Variants in PREX2 observed in about 807,000 individuals in gnomAD.
The protein encoded by PREX2 is phosphatidylinositol 3,4,5-trisphosphate-dependent Rac exchanger 2 protein.
In PREX2, 107 loss-of-function variants were observed where a neutral mutation model predicts 203.2. The ratio of observed to expected loss-of-function variants is 0.53; its 90% CI spans 0.45 to 0.62. The LOEUF is 0.62. PREX2 is among the 20% of genes least tolerant of loss of function. The probability of loss-of-function intolerance (pLI) is 0.00; values close to 1 mark genes in which losing one functional copy is unlikely to be tolerated. For synonymous variants in PREX2, 672 were observed against 663.6 expected, an observed-to-expected ratio of 1.01 and a Z score of -0.19; for missense variants, 1,777 against 1,955.9, an observed-to-expected ratio of 0.91 and a Z score of 1.72.
At chr8:68,073,947 T>G (rs1319853539) in intron 14 of PREX2, among the ~76,000 whole-genome samples, 1 of 152,022 alleles carries the variant, frequency 6.6e-6, no homozygotes, top group African/African-American at 2.4e-5. Flanking sequence ...GAAGAATATA[T>G]TAAGGTGCTC....
chr8:68,090,559 T>A lies in PREX2; in HGVS notation c.2114-20T>A. On this transcript the variant is annotated intron_variant, in intron 19 of 39. Coordinates refer to ENST00000288368, the MANE Select transcript of PREX2 (RefSeq NM_024870.4). ...ATTCCTGAAATTTGTTTTTGGTTAT[T>A]TTCTCATTTGTATTTATAGGAACTG... The A allele has an allele frequency of 6.3e-7, 1 of 1,585,008 alleles. No individual in the cohort carries two copies. Among genetic ancestry groups the A allele is most frequent in the Non-Finnish European group, 8.6e-7 (1 of 1,158,702 alleles).
At chr8:68,024,221 T>C (rs1469099958) in intron 4 of PREX2, among the ~76,000 whole-genome samples, 1 of 152,082 alleles carries the variant, frequency 6.6e-6, no homozygotes, top group East Asian at 1.9e-4. Context: ...TTGACAATGC[T>C]ATGAATTACT....
chr8:68,082,347 C>A lies in PREX2; in HGVS notation c.1879-893C>A, dbSNP rs184311142. 2.0e-4 allele frequency: 30 copies of A among 152,306 alleles called. 1 individual carries two copies. The East Asian group carries it at 5.6e-3, about 28-fold the overall frequency. The allele number at this position is 152,306 out of a possible 1,614,324, so 9.4% of individuals were successfully genotyped here. ...AAGTTAGTGGTAAACTGTCACCCAT[C>A]CTCCTATCTGCTAATGCCCAAGGTC... On this transcript the variant is annotated intron_variant, in intron 17 of 39. Coordinates refer to ENST00000288368, the MANE Select transcript of PREX2 (RefSeq NM_024870.4).
intron 1 of PREX2, among the ~76,000 whole-genome samples, chr8:68,014,176 T>G (rs1807345589): frequency 6.6e-6 from 1 of 152,250 alleles, no homozygotes; most frequent in Non-Finnish European, 1.5e-5. Context: ...TTATTTCATC[T>G]TAATGAGTTT....
intron 38 of PREX2, among the ~76,000 whole-genome samples, chr8:68,219,291 GAAATAGAGA>G (rs139113331): frequency 0.029 from 4,430 of 152,112 alleles, 244 homozygotes; most frequent in East Asian, 0.17. Context: ...ACTAAAAGTG[GAAATAGAGA>G]AAATAGAGAA....
chr8:68,198,222 C>T (rs1812437540), intron 37 of PREX2, among the ~76,000 whole-genome samples: 1 of 152,188 alleles, frequency 6.6e-6, no homozygotes, highest in Non-Finnish European at 1.5e-5. Context: ...ACTAGGTTTA[C>T]AATTATATTT....
At chr8:68,171,188 G>A (rs1012642560) in intron 35 of PREX2, among the ~76,000 whole-genome samples, 1 of 152,084 alleles carries the variant, frequency 6.6e-6, no homozygotes, top group Non-Finnish European at 1.5e-5. Context: ...TTTACTGAAA[G>A]GAAAGAAGAA....
chr8:68,181,301 T>C (rs1331692993), intron 35 of PREX2, among the ~76,000 whole-genome samples: 1 of 152,176 alleles, frequency 6.6e-6, no homozygotes, highest in Non-Finnish European at 1.5e-5. Flanking sequence ...ATTCACAATG[T>C]CTCTAAATAC....
At chr8:68,116,298 G>A (rs1810655653) in intron 26 of PREX2, among the ~76,000 whole-genome samples, 1 of 152,110 alleles carries the variant, frequency 6.6e-6, no homozygotes, top group South Asian at 2.1e-4. Context: ...GTAGTGAATA[G>A]GAGTTCTTTT....
chr8:68,149,775 C>T (rs1811398173), intron 34 of PREX2, among the ~76,000 whole-genome samples: 1 of 152,070 alleles, frequency 6.6e-6, no homozygotes, highest in Admixed American at 6.6e-5. Flanking sequence ...AAGTGGAGCC[C>T]AAATACCAGG....
chr8:68,118,633 A>G lies in PREX2; in HGVS notation c.3410A>G (p.Glu1137Gly), dbSNP rs1438426851. The change falls in exon 27 of 40, where the codon GAA (glutamate) becomes GGA (glycine). Residue 1137 changes from glutamate (E) to glycine (G), a missense_variant. By Grantham distance (98) the Glu-to-Gly change is moderately conservative. Coordinates refer to ENST00000288368, the MANE Select transcript of PREX2 (RefSeq NM_024870.4). ...TGCAGCTCGTATTTCCACAGTGATG[A>G]AATGGACTCAGGTGTGTTCGTTGGT... is the stretch of plus-strand genomic sequence containing the variant. Reference protein sequence around the residue: ...SQCSSYFHSDEMDSGDELPLS... With the variant: ...SQCSSYFHSDGMDSGDELPLS... 3 of 1,613,050 alleles carry G rather than the reference A, an allele frequency of 1.9e-6. No individual in the cohort carries two copies. The African/African-American group carries it at 4.0e-5, about 22-fold the overall frequency.
At chr8:67,999,478 C>CA (rs58916146) in intron 1 of PREX2, among the ~76,000 whole-genome samples, 10,999 of 92,006 alleles carry the variant, frequency 0.12, 1,149 homozygotes, top group South Asian at 0.17. Flanking sequence ...GCCAACAAAC[C>CA]AAAAAAAAAA....
Position 68,224,632 on chromosome 8 carries a change from T to G in PREX2, c.4775+6T>G. ...ACTCCACAGTCTGCACCAAGGTAAG[T>G]GCATCCCCTGCTCTGCCCTTGCCCG... is the stretch of plus-strand genomic sequence containing the variant. On this transcript the variant is annotated splice_donor_region_variant and intron_variant, in intron 39 of 39. Coordinates refer to ENST00000288368, the MANE Select transcript of PREX2 (RefSeq NM_024870.4). The G allele has an allele frequency of 6.2e-7, 1 of 1,609,494 alleles. No homozygotes were observed. The highest frequency in any genetic ancestry group is 8.5e-7 in the Non-Finnish European group (1 of 1,176,218).
intron 23 of PREX2, among the ~76,000 whole-genome samples, chr8:68,100,821 A>G (rs889923959): frequency 2.0e-5 from 3 of 152,176 alleles, no homozygotes; most frequent in African/African-American, 7.2e-5. Context: ...TTGAAAGATC[A>G]TGCTTTTGTA....
chr8:67,952,404 G>A lies in PREX2; in HGVS notation c.10G>A (p.Asp4Asn). The change falls in exon 1 of 40, where the codon GAC (aspartate) becomes AAC (asparagine). Residue 4 changes from aspartate to asparagine, a missense_variant. Asp to Asn is a conservative substitution (Grantham distance 23, BLOSUM62 1). Coordinates refer to ENST00000288368, the MANE Select transcript of PREX2 (RefSeq NM_024870.4). MSE[D>N]SRGDSRAESA... is the part of the protein sequence containing the mutation. ...CGCACCGCCGCCGACCATGAGCGAG[G>A]ACAGCCGCGGAGACAGCCGCGCCGA... 1 of 1,556,226 alleles carries A rather than the reference G, an allele frequency of 6.4e-7. No individual in the cohort carries two copies. The highest frequency in any genetic ancestry group is 2.4e-5 in the East Asian group (1 of 40,840).
chr8:67,965,689 G>A (rs895949649), intron 1 of PREX2, among the ~76,000 whole-genome samples: 3 of 152,198 alleles, frequency 2.0e-5, no homozygotes, highest in South Asian at 2.1e-4. Flanking sequence ...AGAGTGTTCT[G>A]TTTGCCAGAC....
At chr8:67,993,711 C>T (rs1253581232) in intron 1 of PREX2, among the ~76,000 whole-genome samples, 1 of 152,106 alleles carries the variant, frequency 6.6e-6, no homozygotes, top group Non-Finnish European at 1.5e-5. Context: ...CCTAGCCTTA[C>T]AATATTACTT....
intron 6 of PREX2, among the ~76,000 whole-genome samples, chr8:68,031,070 T>C (rs1455651194): frequency 2.0e-5 from 3 of 152,160 alleles, no homozygotes; most frequent in Non-Finnish European, 4.4e-5. Flanking sequence ...ACTTAACCTC[T>C]TTGTTTTGAT....
At position 68,135,099 on chromosome 8, in the gene PREX2, T is replaced by TGTGTGTGTGTGTGTGTGTGTGTG. The variant is rs58263470; in HGVS notation, c.3984+823_3984+824insGTGTGTGTGTGTGTGTGTGTGTG. On this transcript the variant is annotated intron_variant, in intron 32 of 39. Transcript: ENST00000288368. ...ACATGTTTGAGCTTAAAAACAAATT[T>TGTGTGTGTGTGTGTGTGTGTGTG]TGTGTGTGTGTGTGTGTGTGTGTGT... is the stretch of plus-strand genomic sequence containing the variant. 1.7e-3 allele frequency among the ~76,000 whole-genome samples: 247 copies of TGTGTGTGTGTGTGTGTGTGTGTG among 148,890 alleles called. 2 individuals carry two copies. Among genetic ancestry groups the TGTGTGTGTGTGTGTGTGTGTGTG allele is most frequent in the South Asian group, 8.7e-3 (40 of 4,612 alleles).
Sources: allele counts gnomAD v4.1 joint callset (sites outside exome capture counted in the v4.1 genomes callset), GRCh38; gene constraint gnomAD v4.1.1; transcripts MANE v1.5; gene names NCBI Gene and HGNC (gene_info 2026-07-23, HGNC 2026-07-21).